The following ZFHX3 variants were observed in gnomAD, a reference collection of about 807,000 sequenced individuals.
ZFHX3 encodes the protein zinc finger homeobox 3.
Under a neutral mutation model 279.1 loss-of-function variants are expected in ZFHX3, and 42 were observed. The ratio of observed to expected loss-of-function variants is 0.15; its 90% CI spans 0.12 to 0.19. The LOEUF (loss-of-function observed/expected upper bound fraction) is 0.19. Among genes scored for constraint, ZFHX3 ranks in the 10% least tolerant of loss-of-function variants. The probability of loss-of-function intolerance (pLI) is 1.00; values close to 1 mark genes in which losing one functional copy is unlikely to be tolerated. For missense variants in ZFHX3, 4,981 were observed against 4,754.0 expected, an observed-to-expected ratio of 1.05 and a Z score of -1.40; for synonymous variants, 2,293 against 1,957.8, an observed-to-expected ratio of 1.17 and a Z score of -4.52.
chr16:73,077,859 CA>C (rs1224838659), intron 8 of ZFHX3, among the ~76,000 whole-genome samples: 1 of 152,166 alleles, frequency 6.6e-6, no homozygotes, highest in Non-Finnish European at 1.5e-5. Flanking sequence ...GGCTGAAGTG[CA>C]ATGACGTGAT....
At chr16:73,040,277 G>A (rs1965063934) in intron 1 of ZFHX3, among the ~76,000 whole-genome samples, 1 of 152,156 alleles carries the variant, frequency 6.6e-6, no homozygotes, top group East Asian at 1.9e-4. Flanking sequence ...GCAAGGGACA[G>A]GCGAGGCCAA....
intron 2 of ZFHX3, among the ~76,000 whole-genome samples, chr16:73,591,006 T>C (rs1405308431): frequency 6.6e-6 from 1 of 152,006 alleles, no homozygotes; most frequent in African/African-American, 2.4e-5. Context: ...GACAAGAGGG[T>C]GCAAACCGCA....
intron 2 of ZFHX3, among the ~76,000 whole-genome samples, chr16:73,516,049 A>C (rs2019515676): frequency 6.6e-6 from 1 of 152,226 alleles, no homozygotes; most frequent in South Asian, 2.1e-4. Context: ...CCATGTCAGC[A>C]CCTCTGTCGC....
At chr16:73,737,522 G>A (rs1313109788) in intron 1 of ZFHX3, among the ~76,000 whole-genome samples, 1 of 152,150 alleles carries the variant, frequency 6.6e-6, no homozygotes, top group Non-Finnish European at 1.5e-5. Context: ...ATCATGAAGA[G>A]TAATATCAAC....
intron 1 of ZFHX3, among the ~76,000 whole-genome samples, chr16:73,056,733 T>A (rs1180099252): frequency 6.6e-6 from 1 of 152,170 alleles, no homozygotes; most frequent in South Asian, 2.1e-4. Context: ...AAATTTACAG[T>A]AAATGTAGGT....
At chr16:73,345,938 G>T (rs2016116156) in intron 3 of ZFHX3, among the ~76,000 whole-genome samples, 1 of 152,126 alleles carries the variant, frequency 6.6e-6, no homozygotes, top group Non-Finnish European at 1.5e-5. Context: ...TGTTGGTTCT[G>T]GGTTGTGAAA....
chr16:73,085,786 T>C (rs567881687), intron 8 of ZFHX3, among the ~76,000 whole-genome samples: 9 of 152,114 alleles, frequency 5.9e-5, no homozygotes, highest in African/African-American at 1.9e-4. Context: ...ATTTTGGGAA[T>C]GAGACTTTAA....
intron 3 of ZFHX3, among the ~76,000 whole-genome samples, chr16:73,324,373 T>C (rs568010955): frequency 6.6e-6 from 1 of 152,324 alleles, no homozygotes; most frequent in Admixed American, 6.5e-5. Context: ...TAGACTTGAC[T>C]ACAGTTAACC....
intron 4 of ZFHX3, among the ~76,000 whole-genome samples, chr16:72,868,304 C>G (rs1287736412): frequency 1.3e-5 from 2 of 152,172 alleles, no homozygotes; most frequent in African/African-American, 4.8e-5. Context: ...TATTCTCTCC[C>G]ACTTGGAGAA....
chr16:73,724,465 C>T (rs187277462), intron 1 of ZFHX3, among the ~76,000 whole-genome samples: 5 of 152,280 alleles, frequency 3.3e-5, no homozygotes, highest in African/African-American at 1.2e-4. Context: ...CATTGAGAAC[C>T]CCACTGTTCC....
chr16:73,442,296 A>G (rs1371612386), intron 3 of ZFHX3, among the ~76,000 whole-genome samples: 1 of 151,698 alleles, frequency 6.6e-6, no homozygotes, highest in Non-Finnish European at 1.5e-5. Flanking sequence ...TCTTATATAG[A>G]TGAACCTTTT....
Position 73,081,993 on chromosome 16 carries a change from C to G in ZFHX3, c.-533+11242G>C, listed in dbSNP as rs549873199. 3.9e-5 allele frequency among the ~76,000 whole-genome samples: 6 copies of G among 152,052 alleles called. No homozygotes were observed. The South Asian group carries it at 1.2e-3, about 32-fold the overall frequency. On this transcript the variant is annotated intron_variant, in intron 8 of 17. Coordinates refer to the ZFHX3 transcript ENST00000641206. The stretch of plus-strand genomic sequence containing the variant: ...CTGAGACTACAGGTGTGTACCACCA[C>G]ACCCAGCTAATTTTTATATTTTTAC...
intron 1 of ZFHX3, among the ~76,000 whole-genome samples, chr16:73,027,841 A>C (rs1161567615): frequency 6.6e-6 from 1 of 152,182 alleles, no homozygotes; most frequent in South Asian, 2.1e-4. Context: ...AACTTTGCTT[A>C]TCTCTCTCCT....
At chr16:73,817,404 T>C (rs987263550) in intron 1 of ZFHX3, among the ~76,000 whole-genome samples, 8 of 152,214 alleles carry the variant, frequency 5.3e-5, no homozygotes, top group African/African-American at 1.9e-4. Context: ...CTGTCATCAC[T>C]AATCCTGCAA....
intron 7 of ZFHX3, among the ~76,000 whole-genome samples, chr16:73,128,386 T>G (rs908166169): frequency 2.0e-5 from 3 of 152,228 alleles, no homozygotes; most frequent in Non-Finnish European, 4.4e-5. Context: ...AAAGCAACCA[T>G]GTGAAGAAAC....
intron 3 of ZFHX3, among the ~76,000 whole-genome samples, chr16:73,347,237 A>G (rs1200957688): frequency 6.6e-6 from 1 of 152,230 alleles, no homozygotes; most frequent in East Asian, 1.9e-4. Flanking sequence ...AGCAGGGCCC[A>G]CAATCACAAC....
intron 1 of ZFHX3, among the ~76,000 whole-genome samples, chr16:73,698,354 T>C (rs2053216477): frequency 6.6e-6 from 1 of 152,160 alleles, no homozygotes; most frequent in Non-Finnish European, 1.5e-5. Flanking sequence ...AAATTACCAT[T>C]AGAACACCAT....
chr16:72,913,845 C>A (rs1479673807), intron 3 of ZFHX3, among the ~76,000 whole-genome samples: 2 of 152,138 alleles, frequency 1.3e-5, no homozygotes, highest in African/African-American at 4.8e-5. Context: ...CCTGGGCTCT[C>A]GACAATGGAA....
chr16:73,663,600 C>T (rs1381773227), intron 2 of ZFHX3, among the ~76,000 whole-genome samples: 3 of 152,208 alleles, frequency 2.0e-5, no homozygotes, highest in Admixed American at 6.5e-5. Flanking sequence ...GAAAGCAACA[C>T]GGGTTTGAAA....
Sources: allele counts gnomAD v4.1 joint callset (sites outside exome capture counted in the v4.1 genomes callset), GRCh38; gene constraint gnomAD v4.1.1; transcripts MANE v1.5; gene names NCBI Gene and HGNC (gene_info 2026-07-23, HGNC 2026-07-21).